CCR1: variants seen among roughly 807,000 people sequenced by gnomAD.
CCR1 encodes the protein C-C motif chemokine receptor 1.
CCR1 carries 1 observed loss-of-function variant against 0.3 expected under a neutral mutation model. The ratio of observed to expected loss-of-function variants is 3.70; its 90% CI spans 1.31 to 17.54. The LOEUF (loss-of-function observed/expected upper bound fraction) is 17.54, where lower values mean the gene tolerates loss of function less well. Ranked by LOEUF, CCR1 falls within the 30% of genes most tolerant of loss-of-function variation. CCR1 has a pLI of 0.11. For missense variants in CCR1, 349 were observed against 435.4 expected (o/e 0.80, Z 1.77); for synonymous variants, 207 against 182.5 (o/e 1.13, Z -1.08).
rs575398591 is a variant in CCR1 at position 46,202,496 on chromosome 3, A to G, written c.*750T>C. The G allele has an allele frequency of 6.6e-6, 1 of 152,292 alleles. No homozygotes were observed. Among genetic ancestry groups the G allele is most frequent in the African/African-American group, 2.4e-5 (1 of 41,564 alleles). 9.4% of individuals were successfully genotyped at this position (152,292 alleles called of 1,614,324 possible). A position where few individuals can be genotyped will look rare whatever the true frequency, so the allele number is the denominator to read the frequency against. On this transcript the variant is annotated 3_prime_UTR_variant, in exon 2 of 2. Transcript: ENST00000296140. ...TTAAGAAGCACACCATGTTATTCAT[A>G]TGGCCCGTGCTTAGCCCACTCCCTG...
At chr3:46,206,250 G>A (rs561345737) in intron 1 of CCR1, among the ~76,000 whole-genome samples, 7 of 152,020 alleles carry the variant, frequency 4.6e-5, no homozygotes, top group African/African-American at 1.7e-4. Flanking sequence ...CACATGGAGG[G>A]TATAGGGCAC....
chr3:46,203,188 C>A lies in CCR1; in HGVS notation c.*58G>T. On this transcript the variant is annotated 3_prime_UTR_variant, in exon 2 of 2. Coordinates refer to ENST00000296140, the MANE Select transcript of CCR1 (RefSeq NM_001295.3). This position sits in a 1 kb window ranked among gnomAD's most constrained non-coding sequence, Gnocchi z 4.5. ...CTGGCTGGGAGAGCCAGGCTGCTGG[C>A]TCAGTGTGCCTGGCAGGTCACGCCT... The A allele has an allele frequency of 7.7e-7, 1 of 1,295,326 alleles. No homozygotes were observed. The highest frequency in any genetic ancestry group is 1.1e-6 in the Non-Finnish European group (1 of 917,244). 80.2% of individuals were successfully genotyped at this position (1,295,326 alleles called of 1,614,324 possible).
chr3:46,205,731 A>G (rs1699642475), intron 1 of CCR1, among the ~76,000 whole-genome samples: 1 of 152,150 alleles, frequency 6.6e-6, no homozygotes, highest in Admixed American at 6.5e-5. Context: ...GAGGTAATGT[A>G]TGAGAAAAGT....
Position 46,201,867 on chromosome 3 carries a change from A to T in CCR1, c.*1379T>A, listed in dbSNP as rs1699598376. 6.6e-6 allele frequency: 1 copy of T among 152,214 alleles called. No homozygotes were observed. Among genetic ancestry groups the T allele is most frequent in the South Asian group, 2.1e-4 (1 of 4,832 alleles). 9.4% of individuals were successfully genotyped at this position (152,214 alleles called of 1,614,324 possible). On this transcript the variant is annotated 3_prime_UTR_variant, in exon 2 of 2. Coordinates refer to ENST00000296140, the MANE Select transcript of CCR1 (RefSeq NM_001295.3). Reference sequence around the variant, plus strand: ...ACTAAAAGAAAATACACTCAAAAGCACACAGTGGGCACATTTTGTCTTTGG... The same window carrying T: ...ACTAAAAGAAAATACACTCAAAAGCTCACAGTGGGCACATTTTGTCTTTGG...
rs956875967 is a variant in CCR1 at position 46,202,433 on chromosome 3, T to C, written c.*813A>G. On this transcript the variant is annotated 3_prime_UTR_variant, in exon 2 of 2. Coordinates refer to ENST00000296140, the MANE Select transcript of CCR1 (RefSeq NM_001295.3). Reference sequence around the variant, plus strand: ...CTGAAAAATAGTCAGAAAAGAAGGGTAAATGGAAATGATGAGTCCCTCCCC... The same window carrying C: ...CTGAAAAATAGTCAGAAAAGAAGGGCAAATGGAAATGATGAGTCCCTCCCC... 1 of 151,988 alleles carries C rather than the reference T, an allele frequency of 6.6e-6. No homozygotes were observed. Among genetic ancestry groups the C allele is most frequent in the Non-Finnish European group, 1.5e-5 (1 of 67,996 alleles). The allele number at this position is 151,988 out of a possible 1,614,324, so 9.4% of individuals were successfully genotyped here.
In CCR1 at chr3:46,203,079, G is replaced by A. The variant is rs3136665; in HGVS notation, c.*167C>T. Reference sequence around the variant, plus strand: ...GTTCATGGAAAAGACTGAAGCCCCAGAAGCCTCAGAAGCCCCAGGCCACCA... The same window carrying A: ...GTTCATGGAAAAGACTGAAGCCCCAAAAGCCTCAGAAGCCCCAGGCCACCA... On this transcript the variant is annotated 3_prime_UTR_variant, in exon 2 of 2. Coordinates refer to ENST00000296140, the MANE Select transcript of CCR1 (RefSeq NM_001295.3). The surrounding 1 kb of genome is among the most constrained non-coding windows in gnomAD (Gnocchi z 4.5). 11,049 of 563,048 alleles carry A rather than the reference G, an allele frequency of 0.02. 773 individuals carry two copies. Among genetic ancestry groups the A allele is most frequent in the African/African-American group, 0.17 (8,936 of 53,326 alleles). The allele number at this position is 563,048 out of a possible 1,614,324, so 34.9% of individuals were successfully genotyped here.
rs1372820628 is a variant in CCR1 at position 46,203,086 on chromosome 3, C to T, written c.*160G>A. 1 of 572,442 alleles carries T rather than the reference C, an allele frequency of 1.7e-6. No individual in the cohort carries two copies. The highest frequency in any genetic ancestry group is 3.1e-6 in the Non-Finnish European group (1 of 324,292). The allele number at this position is 572,442 out of a possible 1,614,324, so 35.5% of individuals were successfully genotyped here. A position where few individuals can be genotyped will look rare whatever the true frequency, so the allele number is the denominator to read the frequency against. Reference sequence around the variant, plus strand: ...GAAAAGACTGAAGCCCCAGAAGCCTCAGAAGCCCCAGGCCACCATTACATT... The same window carrying T: ...GAAAAGACTGAAGCCCCAGAAGCCTTAGAAGCCCCAGGCCACCATTACATT... On this transcript the variant is annotated 3_prime_UTR_variant, in exon 2 of 2. Coordinates refer to ENST00000296140, the MANE Select transcript of CCR1 (RefSeq NM_001295.3). The surrounding 1 kb of genome is among the most constrained non-coding windows in gnomAD (Gnocchi z 4.5).
At position 46,203,272 on chromosome 3, in the gene CCR1, C is replaced by T. The variant is rs770540609; in HGVS notation, c.1042G>A (p.Glu348Lys). Residue 348 changes from glutamate to lysine, a missense_variant, in exon 2 of 2, where the codon GAG becomes AAG. Coordinates refer to ENST00000296140, the MANE Select transcript of CCR1 (RefSeq NM_001295.3). The surrounding 1 kb of genome is among the most constrained non-coding windows in gnomAD (Gnocchi z 4.5). ...CAGAACCCAGCAGAGAGTTCATGCT[C>T]CCCTGTGGAGGGAGATGTGGAGCTG... is the stretch of plus-strand genomic sequence containing the variant. ...RVSSTSPSTG[E>K]HELSAGF 1.9e-6 allele frequency: 3 copies of T among 1,613,916 alleles called. No individual in the cohort carries two copies. Among genetic ancestry groups the T allele is most frequent in the South Asian group, 2.2e-5 (2 of 91,074 alleles).
rs200045363 is a variant in CCR1, at chr3:46,202,640, A to G, written c.*606T>C. On this transcript the variant is annotated 3_prime_UTR_variant, in exon 2 of 2. Coordinates refer to ENST00000296140, the MANE Select transcript of CCR1 (RefSeq NM_001295.3). ...TCTCAACTCTTCCGTCATGAGTTCTATGTTCCCCAGGATTCCAAGAGCCCA... is the reference window on the plus strand; with the variant it reads ...TCTCAACTCTTCCGTCATGAGTTCTGTGTTCCCCAGGATTCCAAGAGCCCA... The G allele has an allele frequency of 2.6e-5, 4 of 152,098 alleles. No homozygotes were observed. Among genetic ancestry groups the G allele is most frequent in the Non-Finnish European group, 5.9e-5 (4 of 68,048 alleles). 9.4% of individuals were successfully genotyped at this position (152,098 alleles called of 1,614,324 possible). A position where few individuals can be genotyped will look rare whatever the true frequency, so the allele number is the denominator to read the frequency against.
In CCR1 at chr3:46,204,175, T is replaced by C; in HGVS notation, c.139A>G (p.Ile47Val). 6.2e-7 allele frequency: 1 copy of C among 1,614,122 alleles called. No homozygotes were observed. The highest frequency in any genetic ancestry group is 8.5e-7 in the Non-Finnish European group (1 of 1,180,018). ...ACCAGGATGTTTCCAACCAGGCCAA[T>C]GACAAATACCAAGGAGTACAGAGGG... The part of the protein sequence containing the change: ...LPPLYSLVFV[I>V]GLVGNILVVL... Residue 47 changes from isoleucine (I) to valine (V), a missense_variant, in exon 2 of 2, where the codon ATT (isoleucine) becomes GTT (valine). Coordinates refer to ENST00000296140, the MANE Select transcript of CCR1 (RefSeq NM_001295.3).
rs1476490986 is a variant in CCR1, at chr3:46,202,999, C to T, written c.*247G>A. The T allele has an allele frequency of 1.1e-5, 5 of 473,860 alleles. No individual in the cohort carries two copies. The highest frequency in any genetic ancestry group is 1.9e-5 in the Non-Finnish European group (5 of 264,418). 29.4% of individuals were successfully genotyped at this position (473,860 alleles called of 1,614,324 possible). A position where few individuals can be genotyped will look rare whatever the true frequency, so the allele number is the denominator to read the frequency against. On this transcript the variant is annotated 3_prime_UTR_variant, in exon 2 of 2. Coordinates refer to ENST00000296140, the MANE Select transcript of CCR1 (RefSeq NM_001295.3). ...AAGCCCTTCTCTGGTACACTTAGTC[C>T]CAGTCTCTGGAATATTTGGTTTTGC...
At position 46,203,199 on chromosome 3, in the gene CCR1, T is replaced by G. The variant is rs757384187; in HGVS notation, c.*47A>C. The G allele has an allele frequency of 5.7e-6, 8 of 1,414,976 alleles. No homozygotes were observed. Among genetic ancestry groups the G allele is most frequent in the Non-Finnish European group, 7.8e-6 (8 of 1,019,282 alleles). 87.7% of individuals were successfully genotyped at this position (1,414,976 alleles called of 1,614,324 possible). On this transcript the variant is annotated 3_prime_UTR_variant, in exon 2 of 2. Coordinates refer to ENST00000296140, the MANE Select transcript of CCR1 (RefSeq NM_001295.3). This position sits in a 1 kb window ranked among gnomAD's most constrained non-coding sequence, Gnocchi z 4.5. Reference sequence around the variant, plus strand: ...AGCCAGGCTGCTGGCTCAGTGTGCCTGGCAGGTCACGCCTGCTTATTTTGG... The same window carrying G: ...AGCCAGGCTGCTGGCTCAGTGTGCCGGGCAGGTCACGCCTGCTTATTTTGG...
intron 1 of CCR1, among the ~76,000 whole-genome samples, chr3:46,206,261 C>A (rs975505869): frequency 6.6e-6 from 1 of 152,078 alleles, no homozygotes. Flanking sequence ...TATAGGGCAC[C>A]CTGGCTGGAA....
chr3:46,207,868 T>A (rs1228599933), intron 1 of CCR1, among the ~76,000 whole-genome samples: 1 of 152,112 alleles, frequency 6.6e-6, no homozygotes, highest in Non-Finnish European at 1.5e-5. Flanking sequence ...TCTCCATCTC[T>A]TGACCTCATG....
Position 46,204,207 on chromosome 3 carries a change from A to T in CCR1, c.107T>A (p.Leu36Gln). The change falls in exon 2 of 2, where the codon CTG becomes CAG. Residue 36 changes from leucine to glutamine, a missense_variant. Physicochemically the swap from Leu to Gln is moderately radical, Grantham distance 113. Transcript: ENST00000296140. ...TACCAAGGAGTACAGAGGGGGCAGC[A>T]GTTGGGCCCCAAAGGCCCTCTCGTT... is the stretch of plus-strand genomic sequence containing the variant. ...KVNERAFGAQ[L>Q]LPPLYSLVFV... is the part of the protein sequence containing the mutation. 1 of 1,614,102 alleles carries T rather than the reference A, an allele frequency of 6.2e-7. No homozygotes were observed. Among genetic ancestry groups the T allele is most frequent in the East Asian group, 2.2e-5 (1 of 44,876 alleles).
chr3:46,206,524 C>T (rs527604261), intron 1 of CCR1, among the ~76,000 whole-genome samples: 2 of 152,300 alleles, frequency 1.3e-5, no homozygotes, highest in South Asian at 4.1e-4. Flanking sequence ...TGGAAGTATG[C>T]AAATAGCTTG....
rs2125920227 is a variant in CCR1, at chr3:46,202,485, A to G, written c.*761T>C. The stretch of plus-strand genomic sequence containing the variant: ...TTATGGCTATTTTAAGAAGCACACC[A>G]TGTTATTCATATGGCCCGTGCTTAG... On this transcript the variant is annotated 3_prime_UTR_variant, in exon 2 of 2. Transcript: ENST00000296140. The G allele has an allele frequency of 6.6e-6, 1 of 152,298 alleles. No homozygotes were observed. Among genetic ancestry groups the G allele is most frequent in the Non-Finnish European group, 1.5e-5 (1 of 68,024 alleles). The allele number at this position is 152,298 out of a possible 1,614,324, so 9.4% of individuals were successfully genotyped here.
rs1198543046 is a variant in CCR1, at chr3:46,204,123, C to T, written c.191G>A (p.Arg64Lys). The T allele has an allele frequency of 1.2e-6, 2 of 1,614,028 alleles. No individual in the cohort carries two copies. The highest frequency in any genetic ancestry group is 1.3e-5 in the African/African-American group (1 of 74,920). Residue 64 changes from arginine (R) to lysine (K), a missense_variant, in exon 2 of 2, where the codon AGG (arginine) becomes AAG (lysine). Transcript: ENST00000296140. ...LVVLVLVQYK[R>K]LKNMTSIYLL... ...GTAGATGCTGGTCATGTTTTTTAGC[C>T]TCTTGTATTGCACAAGGACCAGGAC...
chr3:46,203,418 A>G lies in CCR1; in HGVS notation c.896T>C (p.Val299Ala), dbSNP rs768065991. The G allele has an allele frequency of 6.2e-7, 1 of 1,613,970 alleles. No homozygotes were observed. Among genetic ancestry groups the G allele is most frequent in the African/African-American group, 1.3e-5 (1 of 75,024 alleles). The change falls in exon 2 of 2, where the codon GTG (valine) becomes GCG (alanine). Residue 299 changes from valine (V) to alanine (A), a missense_variant. Physicochemically the swap from Val to Ala is moderately conservative, Grantham distance 64 (BLOSUM62 0). Transcript: ENST00000296140. The surrounding 1 kb of genome is among the most constrained non-coding windows in gnomAD (Gnocchi z 4.5). ...CCTCTCACCAACGAAGGCGTAGATC[A>G]CTGGGTTGACACAGCAGTGCGTGTA... ...IAYTHCCVNPVIYAFVGERFR... is the reference protein window; with the variant it reads ...IAYTHCCVNPAIYAFVGERFR...
Sources: allele counts gnomAD v4.1 joint callset (sites outside exome capture counted in the v4.1 genomes callset), GRCh38; gene constraint gnomAD v4.1.1; non-coding constraint Gnocchi (gnomAD v3.1); transcripts MANE v1.5; gene names NCBI Gene and HGNC (gene_info 2026-07-23, HGNC 2026-07-21).